NDUFAB1: variants seen among roughly 807,000 people sequenced by gnomAD.
NDUFAB1 encodes acyl carrier protein, mitochondrial.
Under a neutral mutation model 16.1 loss-of-function variants are expected in NDUFAB1, and 5 were observed. That is an observed-to-expected ratio of 0.31 (90% CI 0.16 to 0.65). The LOEUF (loss-of-function observed/expected upper bound fraction) is 0.65, where lower values mean the gene tolerates loss of function less well. Among genes scored for constraint, NDUFAB1 ranks in the 30% least tolerant of loss-of-function variants. NDUFAB1 has a pLI of 0.77. For missense variants in NDUFAB1, 187 were observed against 205.3 expected (o/e 0.91, Z 0.54); for synonymous variants, 85 against 78.4 (o/e 1.08, Z -0.44).
chr16:23,589,942 GAAAAAAAA>G (rs57098255), intron 1 of NDUFAB1, among the ~76,000 whole-genome samples: 1,377 of 70,522 alleles, frequency 0.02, 24 homozygotes, highest in African/African-American at 0.06. Flanking sequence ...TCTCCAAAAA[GAAAAAAAA>G]AAAAAAAAAA....
intron 1 of NDUFAB1, among the ~76,000 whole-genome samples, chr16:23,590,581 T>C (rs1036849051): frequency 6.6e-6 from 1 of 151,396 alleles, no homozygotes; most frequent in African/African-American, 2.4e-5. Flanking sequence ...ACCTTGGCTG[T>C]AGCGTAGCCC....
At position 23,587,319 on chromosome 16, in the gene NDUFAB1, C is replaced by A; in HGVS notation, c.169G>T (p.Val57Phe). The change falls in exon 2 of 5, where the codon GTT becomes TTT. Residue 57 changes from valine to phenylalanine, a missense_variant and splice_region_variant. By Grantham distance (50) the Val-to-Phe change is conservative (BLOSUM62 -1). Transcript: ENST00000007516. Reference protein sequence around the residue: ...TLQPALVLAQVPGRVTQLCRQ... With the variant: ...TLQPALVLAQFPGRVTQLCRQ... The stretch of plus-strand genomic sequence containing the variant: ...CACAACTGTGTAACTCTACCAGGAA[C>A]CTAGAGCGACGGCAGGAAGGAAACA... 6.2e-7 allele frequency: 1 copy of A among 1,613,266 alleles called. No homozygotes were observed. The highest frequency in any genetic ancestry group is 8.5e-7 in the Non-Finnish European group (1 of 1,179,716).
rs1282187355 is a variant in NDUFAB1, at chr16:23,587,319, C to T, written c.169G>A (p.Val57Ile). Residue 57 changes from valine to isoleucine, a missense_variant and splice_region_variant, in exon 2 of 5, where the codon GTT (valine) becomes ATT (isoleucine). By Grantham distance (29) the Val-to-Ile change is conservative (BLOSUM62 3). Around this residue, in one of 3 missense-constraint regions of NDUFAB1, gnomAD observed 135 missense variants for 129.4 expected, o/e 1.04. Transcript: ENST00000007516. ...TLQPALVLAQVPGRVTQLCRQ... is the reference protein window; with the variant it reads ...TLQPALVLAQIPGRVTQLCRQ... ...CACAACTGTGTAACTCTACCAGGAA[C>T]CTAGAGCGACGGCAGGAAGGAAACA... 6 of 1,613,148 alleles carry T rather than the reference C, an allele frequency of 3.7e-6. No homozygotes were observed. Among genetic ancestry groups the T allele is most frequent in the Non-Finnish European group, 5.1e-6 (6 of 1,179,724 alleles).
At chr16:23,586,718 G>A (rs997620450) in intron 2 of NDUFAB1, among the ~76,000 whole-genome samples, 3 of 151,350 alleles carry the variant, frequency 2.0e-5, no homozygotes, top group Admixed American at 6.6e-5. Context: ...ACGCTATCTC[G>A]GCTCACTGCA....
intron 4 of NDUFAB1, among the ~76,000 whole-genome samples, chr16:23,581,478 G>A (rs1445372430): frequency 3.3e-5 from 5 of 151,662 alleles, no homozygotes; most frequent in Middle Eastern, 3.4e-3. Context: ...CCCAGGAGGC[G>A]GAGGTTGCAG....
intron 1 of NDUFAB1, among the ~76,000 whole-genome samples, chr16:23,590,227 G>A (rs1471884054): frequency 6.6e-6 from 1 of 152,198 alleles, no homozygotes. Context: ...GTCTCTGACT[G>A]GAGGCCACAT....
intron 2 of NDUFAB1, among the ~76,000 whole-genome samples, chr16:23,585,990 C>T (rs897022056): frequency 1.3e-5 from 2 of 152,276 alleles, no homozygotes; most frequent in African/African-American, 2.4e-5. Context: ...TGCAATGGCA[C>T]GATCTCGGCT....
intron 2 of NDUFAB1, among the ~76,000 whole-genome samples, chr16:23,585,767 T>C (rs1011912559): frequency 5.3e-5 from 8 of 152,140 alleles, no homozygotes; most frequent in Non-Finnish European, 1.5e-5. Flanking sequence ...CAGTGTTTGG[T>C]TTTCTGTCCT....
chr16:23,591,979 C>T (rs1417301250), intron 1 of NDUFAB1, among the ~76,000 whole-genome samples: 1 of 152,188 alleles, frequency 6.6e-6, no homozygotes, highest in Non-Finnish European at 1.5e-5. Context: ...AAGAAGCTTA[C>T]ACTCTAATGG....
At chr16:23,587,388 A>G in intron 1 of NDUFAB1, 69 bp from the exon 2 acceptor site, 2 of 1,570,540 alleles carry the variant, frequency 1.3e-6, no homozygotes, top group Non-Finnish European at 1.7e-6. Context: ...GCACAAGCCT[A>G]TAGGTAACTT....
At position 23,587,292 on chromosome 16, in the gene NDUFAB1, G is replaced by A. The variant is rs151010809; in HGVS notation, c.196C>T (p.Arg66Cys). The A allele has an allele frequency of 2.0e-4, 320 of 1,613,982 alleles. No homozygotes were observed. The highest frequency in any genetic ancestry group is 2.6e-4 in the Non-Finnish European group (308 of 1,179,922). Reference sequence around the variant, plus strand: ...AAAGGAGGCATGTCGCTATACTGGCGGCACAACTGTGTAACTCTACCAGGA... The same window carrying A: ...AAAGGAGGCATGTCGCTATACTGGCAGCACAACTGTGTAACTCTACCAGGA... ...QVPGRVTQLC[R>C]QYSDMPPLTL... The change falls in exon 2 of 5, where the codon CGC becomes TGC. Residue 66 changes from arginine (R) to cysteine (C), a missense_variant. Physicochemically the swap from Arg to Cys is radical, Grantham distance 180 (BLOSUM62 -3). Around this residue, in one of 3 missense-constraint regions of NDUFAB1, gnomAD observed 135 missense variants for 129.4 expected, o/e 1.04. Coordinates refer to ENST00000007516, the MANE Select transcript of NDUFAB1 (RefSeq NM_005003.3).
chr16:23,586,110 T>C (rs1256715663), intron 2 of NDUFAB1, among the ~76,000 whole-genome samples: 1 of 151,892 alleles, frequency 6.6e-6, no homozygotes, highest in African/African-American at 2.4e-5. Flanking sequence ...GTATTTTTAG[T>C]AGAGACGGGG....
intron 1 of NDUFAB1, among the ~76,000 whole-genome samples, chr16:23,595,911 T>A (rs1287368605): frequency 6.6e-6 from 1 of 152,244 alleles, no homozygotes; most frequent in Non-Finnish European, 1.5e-5. Flanking sequence ...AGTGCTGGAC[T>A]CGAGTCAGTG....
intron 2 of NDUFAB1, among the ~76,000 whole-genome samples, chr16:23,585,854 A>G (rs1324765641): frequency 6.6e-6 from 1 of 152,182 alleles, no homozygotes; most frequent in Admixed American, 6.5e-5. Flanking sequence ...TAGTATGTAC[A>G]TGGTTTGCTT....
Position 23,593,181 on chromosome 16 carries a change from C to A in NDUFAB1, c.168+2942G>T, listed in dbSNP as rs576585541. 3.3e-5 allele frequency among the ~76,000 whole-genome samples: 5 copies of A among 152,248 alleles called. No homozygotes were observed. The South Asian group carries it at 8.3e-4, about 25-fold the overall frequency. On this transcript the variant is annotated intron_variant, in intron 1 of 4. Transcript: ENST00000007516. Reference sequence around the variant, plus strand: ...AGGGGTGGTGGCTCATGCCTGTAGTCCCAGCTACTCAGGAAGCTGAGGCAG... The same window carrying A: ...AGGGGTGGTGGCTCATGCCTGTAGTACCAGCTACTCAGGAAGCTGAGGCAG...
chr16:23,595,574 G>T (rs240744), intron 1 of NDUFAB1: 389,135 of 455,898 alleles, frequency 0.85, 166,825 homozygotes, highest in African/African-American at 0.97. Context: ...ATCCTTATTG[G>T]TCAAAGGTCA....
At position 23,586,923 on chromosome 16, in the gene NDUFAB1, C is replaced by T. The variant is rs367997555; in HGVS notation, c.291+274G>A. Among the ~76,000 whole-genome samples the T allele has an allele frequency of 3.3e-5, 5 of 152,364 alleles. No homozygotes were observed. The East Asian group carries it at 5.8e-4, about 18-fold the overall frequency. On this transcript the variant is annotated intron_variant, in intron 2 of 4. Transcript: ENST00000007516. ...TCGGCCTCCCAAAGTGCTGGGATTA[C>T]AGGCATGAGCCACAGTGCCCGGCCA...
intron 3 of NDUFAB1, among the ~76,000 whole-genome samples, chr16:23,582,891 C>T (rs1437244050): frequency 6.6e-6 from 1 of 151,476 alleles, no homozygotes; most frequent in Non-Finnish European, 1.5e-5. Context: ...GTACTGCCGC[C>T]ATCTCTGCTC....
intron 3 of NDUFAB1, among the ~76,000 whole-genome samples, chr16:23,583,000 G>A (rs996460500): frequency 6.6e-6 from 1 of 152,270 alleles, no homozygotes; most frequent in South Asian, 2.1e-4. Context: ...TATTTTTTTG[G>A]TGGAGACAGG....
Sources: allele counts gnomAD v4.1 joint callset (sites outside exome capture counted in the v4.1 genomes callset), GRCh38; gene constraint gnomAD v4.1.1; regional missense constraint gnomAD v4.1.1; transcripts MANE v1.5; gene names NCBI Gene and HGNC (gene_info 2026-07-23, HGNC 2026-07-21).